Variants in CBX5 observed in about 807,000 individuals in gnomAD.
The protein encoded by CBX5 is chromobox protein homolog 5.
CBX5 carries 7 observed loss-of-function variants against 20.7 expected under a neutral mutation model. That is an observed-to-expected ratio of 0.34 (90% CI 0.19 to 0.63). CBX5 has a LOEUF of 0.63. CBX5 is among the 30% of genes least tolerant of loss of function. The probability of loss-of-function intolerance (pLI) is 0.75; values close to 1 mark genes in which losing one functional copy is unlikely to be tolerated. For missense variants in CBX5, 110 were observed against 224.1 expected (o/e 0.49, Z 3.25); for synonymous variants, 78 against 77.0 (o/e 1.01, Z -0.07).
chr12:54,259,647 G>A (rs550760972), intron 1 of CBX5: 3 of 152,826 alleles, frequency 2.0e-5, no homozygotes, highest in Non-Finnish European at 4.4e-5. Context: ...CCAGTCCGTT[G>A]CCATAGCAAC....
At chr12:54,244,007 C>CTT (rs952076095) in intron 4 of CBX5, among the ~76,000 whole-genome samples, 1 of 146,568 alleles carries the variant, frequency 6.8e-6, no homozygotes, top group Admixed American at 6.8e-5. Context: ...GATTATACAA[C>CTT]TTTTTTTTTT....
At position 54,238,794 on chromosome 12, in the gene CBX5, G is replaced by A. The variant is rs1943648353; in HGVS notation, c.*2961C>T. On this transcript the variant is annotated 3_prime_UTR_variant, in exon 5 of 5. Coordinates refer to ENST00000209875, the MANE Select transcript of CBX5 (RefSeq NM_012117.3). ...CTGGGCAAAGCTGTGCTATAACTCTGAAGAAAGGGAGATCTTTTAATGTTG... is the reference window on the plus strand; with the variant it reads ...CTGGGCAAAGCTGTGCTATAACTCTAAAGAAAGGGAGATCTTTTAATGTTG... The A allele has an allele frequency of 6.6e-6, 1 of 152,206 alleles. No homozygotes were observed. Among genetic ancestry groups the A allele is most frequent in the African/African-American group, 2.4e-5 (1 of 41,450 alleles). The allele number at this position is 152,206 out of a possible 1,614,324, so 9.4% of individuals were successfully genotyped here.
chr12:54,246,475 TA>T (rs1467194475), intron 3 of CBX5, among the ~76,000 whole-genome samples: 1 of 152,082 alleles, frequency 6.6e-6, no homozygotes, highest in African/African-American at 2.4e-5. Context: ...TAAAAGTCTC[TA>T]ATGTCCTATA....
chr12:54,262,975 T>A (rs540416977), intron 1 of CBX5: 2 of 152,248 alleles, frequency 1.3e-5, no homozygotes, highest in Non-Finnish European at 2.9e-5. Flanking sequence ...CTTTCAGGCA[T>A]AACAGCTCTC....
intron 1 of CBX5, among the ~76,000 whole-genome samples, chr12:54,260,156 C>T (rs574126169): frequency 1.4e-3 from 156 of 115,482 alleles, no homozygotes; most frequent in African/African-American, 4.9e-3. Flanking sequence ...ACCAAAACAA[C>T]AACCAAAAAA....
chr12:54,257,413 G>A (rs1943871123), intron 2 of CBX5, 101 bp downstream of exon 2: 1 of 1,192,794 alleles, frequency 8.4e-7, no homozygotes, highest in South Asian at 1.4e-5. Flanking sequence ...GAGTGCAGGA[G>A]GGGGAAGAAA....
At position 54,271,124 on chromosome 12, in the gene CBX5, T is replaced by C. The variant is rs554718601; in HGVS notation, c.-43+8884A>G. Among the ~76,000 whole-genome samples the C allele has an allele frequency of 5.3e-5, 8 of 152,310 alleles. No individual in the cohort carries two copies. In the East Asian group the frequency reaches 1.3e-3, roughly 26 times the overall value. ...AGACTTATTGACCCAGAAGGTAAAC[T>C]GTCTGTGTAAAAGTTCCATGTGCAC... On this transcript the variant is annotated intron_variant, in intron 1 of 4. Coordinates refer to ENST00000209875, the MANE Select transcript of CBX5 (RefSeq NM_012117.3).
chr12:54,247,882 C>T (rs559763101), intron 3 of CBX5, among the ~76,000 whole-genome samples: 2 of 151,370 alleles, frequency 1.3e-5, no homozygotes, highest in Non-Finnish European at 2.9e-5. Context: ...GCTCTGTTGC[C>T]CAGGCTGGAG....
Position 54,232,375 on chromosome 12 carries a change from G to C in CBX5, c.*9380C>G, listed in dbSNP as rs1943577196. 1 of 152,206 alleles carries C rather than the reference G, an allele frequency of 6.6e-6. No homozygotes were observed. Among genetic ancestry groups the C allele is most frequent in the African/African-American group, 2.4e-5 (1 of 41,440 alleles). The allele number at this position is 152,206 out of a possible 1,614,324, so 9.4% of individuals were successfully genotyped here. On this transcript the variant is annotated 3_prime_UTR_variant, in exon 5 of 5. Transcript: ENST00000209875. The stretch of plus-strand genomic sequence containing the variant: ...GTGTCAGGCTTAAACTCTGGCTCAA[G>C]ACATCCTCCACAGAGGACCCTGAAG...
chr12:54,260,117 A>G (rs1943901748), intron 1 of CBX5, among the ~76,000 whole-genome samples: 1 of 151,060 alleles, frequency 6.6e-6, no homozygotes, highest in African/African-American at 2.4e-5. Flanking sequence ...GGGGATTACT[A>G]GAGACAAAAT....
Position 54,241,393 on chromosome 12 carries a change from A to T in CBX5, c.*362T>A, listed in dbSNP as rs1340538005. On this transcript the variant is annotated 3_prime_UTR_variant, in exon 5 of 5. Transcript: ENST00000209875. ...CCAAAATTCAACATCATTGTAACAAAATCCCCCAACCTAAAAAGCGACCAA... is the reference window on the plus strand; with the variant it reads ...CCAAAATTCAACATCATTGTAACAATATCCCCCAACCTAAAAAGCGACCAA... 1 of 167,406 alleles carries T rather than the reference A, an allele frequency of 6.0e-6. No homozygotes were observed. The highest frequency in any genetic ancestry group is 1.3e-5 in the Non-Finnish European group (1 of 78,468). 10.4% of individuals were successfully genotyped at this position (167,406 alleles called of 1,614,324 possible).
rs767965337 is a variant in CBX5 at position 54,246,252 on chromosome 12, G to A, written c.325-37C>T. On this transcript the variant is annotated intron_variant, in intron 3 of 4. Coordinates refer to ENST00000209875, the MANE Select transcript of CBX5 (RefSeq NM_012117.3). ...AGATAAAGAAAGGTTACAGCTTGTG[G>A]AAAGAGTAAAGAAACTCCCTGCTTC... 4.0e-6 allele frequency: 6 copies of A among 1,483,592 alleles called. No individual in the cohort carries two copies. The African/African-American group carries it at 8.3e-5, about 21-fold the overall frequency. The allele number at this position is 1,483,592 out of a possible 1,614,324, so 91.9% of individuals were successfully genotyped here. A position where few individuals can be genotyped will look rare whatever the true frequency, so the allele number is the denominator to read the frequency against.
In CBX5 at chr12:54,232,166, G is replaced by A. The variant is rs1268058669; in HGVS notation, c.*9589C>T. The A allele has an allele frequency of 2.0e-5, 3 of 152,102 alleles. No homozygotes were observed. Among genetic ancestry groups the A allele is most frequent in the Non-Finnish European group, 4.4e-5 (3 of 68,042 alleles). 9.4% of individuals were successfully genotyped at this position (152,102 alleles called of 1,614,324 possible). A position where few individuals can be genotyped will look rare whatever the true frequency, so the allele number is the denominator to read the frequency against. On this transcript the variant is annotated 3_prime_UTR_variant, in exon 5 of 5. Transcript: ENST00000209875. ...CCTCCCTCTGTGAATGCAAGACACA[G>A]AAAATCCCAAGTGCCTTCCCCAACA...
At chr12:54,274,439 TAAGTC>T (rs1944040741) in intron 1 of CBX5, 1 of 152,232 alleles carries the variant, frequency 6.6e-6, no homozygotes, top group Non-Finnish European at 1.5e-5. Context: ...ACAGCCATAC[TAAGTC>T]AAGTGGTATC....
chr12:54,246,095 C>G lies in CBX5; in HGVS notation c.425+20G>C. 1.9e-6 allele frequency: 3 copies of G among 1,551,976 alleles called. No homozygotes were observed. Among genetic ancestry groups the G allele is most frequent in the Non-Finnish European group, 2.7e-6 (3 of 1,123,852 alleles). ...CTGGCAAAGAAACACAATTGTAAAG[C>G]GAAGCCAAATCTCTCTCACCATTTC... On this transcript the variant is annotated intron_variant, in intron 4 of 4. Coordinates refer to ENST00000209875, the MANE Select transcript of CBX5 (RefSeq NM_012117.3).
intron 3 of CBX5, among the ~76,000 whole-genome samples, chr12:54,249,814 T>C (rs192183144): frequency 2.0e-5 from 3 of 152,288 alleles, no homozygotes; most frequent in East Asian, 3.9e-4. Flanking sequence ...CAAAATTTCA[T>C]AAATACACTT....
Position 54,240,058 on chromosome 12 carries a change from T to C in CBX5, c.*1697A>G, listed in dbSNP as rs576403419. ...AAAAACAACAAGAAAAGCAGCCTCA[T>C]GGCTGGTGCGCTCTAGAATTAAGGC... On this transcript the variant is annotated 3_prime_UTR_variant, in exon 5 of 5. Transcript: ENST00000209875. 1.3e-5 allele frequency: 2 copies of C among 152,356 alleles called. No homozygotes were observed. The highest frequency in any genetic ancestry group is 2.1e-4 in the South Asian group (1 of 4,828). 9.4% of individuals were successfully genotyped at this position (152,356 alleles called of 1,614,324 possible).
chr12:54,250,957 C>T (rs1943794191), intron 3 of CBX5, among the ~76,000 whole-genome samples: 1 of 151,706 alleles, frequency 6.6e-6, no homozygotes, highest in Admixed American at 6.6e-5. Context: ...TGGTGAAACC[C>T]CGTCTCTACT....
At chr12:54,267,680 T>C (rs1192962114) in intron 1 of CBX5, among the ~76,000 whole-genome samples, 1 of 152,002 alleles carries the variant, frequency 6.6e-6, no homozygotes, top group Non-Finnish European at 1.5e-5. Flanking sequence ...CCCGGCTAAT[T>C]TTTTTTGTGT....
Sources: allele counts gnomAD v4.1 joint callset (sites outside exome capture counted in the v4.1 genomes callset), GRCh38; gene constraint gnomAD v4.1.1; transcripts MANE v1.5; gene names NCBI Gene and HGNC (gene_info 2026-07-23, HGNC 2026-07-21).